The following BRAT1 variants were observed in gnomAD, a reference collection of about 807,000 sequenced individuals.
The protein encoded by BRAT1 is BRCA1 associated ATM activator 1, also known as integrator complex assembly factor BRAT1.
BRAT1 carries 74 observed loss-of-function variants against 70.6 expected under a neutral mutation model. The observed-to-expected ratio is 1.05, with a 90% CI of 0.87 to 1.27. The LOEUF (loss-of-function observed/expected upper bound fraction) is 1.27. Ranked by LOEUF, BRAT1 falls within the 50% of genes most tolerant of loss-of-function variation. BRAT1 has a pLI of 0.00. For synonymous variants in BRAT1, 615 were observed against 517.1 expected, an observed-to-expected ratio of 1.19 and a Z score of -2.57; for missense variants, 1,203 against 1,098.2, an observed-to-expected ratio of 1.10 and a Z score of -1.35.
intron 1 of BRAT1, among the ~76,000 whole-genome samples, chr7:2,554,762 C>G (rs950928711): frequency 1.8e-4 from 27 of 152,326 alleles, no homozygotes; most frequent in African/African-American, 6.3e-4. Flanking sequence ...CAGCGTGGTG[C>G]TGGCCCAGGC....
At chr7:2,550,481 C>CAAAAAAAAAAAAAAAAAAAAAAAAAAAAA (rs369777124) in intron 2 of BRAT1, among the ~76,000 whole-genome samples, 17 of 57,392 alleles carry the variant, frequency 3.0e-4, no homozygotes, top group Non-Finnish European at 3.6e-4. Context: ...AAAAAAAAAA[C>CAAAAAAAAAAAAAAAAAAAAAAAAAAAAA]AAAAAAAAAA....
chr7:2,555,031 G>A (rs1439330564), intron 1 of BRAT1, among the ~76,000 whole-genome samples: 1 of 150,948 alleles, frequency 6.6e-6, no homozygotes, highest in African/African-American at 2.4e-5. Flanking sequence ...GTGAGGAGGG[G>A]AAGGGGCACC....
In BRAT1 at chr7:2,554,712, C is replaced by G. The variant is rs143887122; in HGVS notation, c.-16-265G>C. 1.4e-3 allele frequency among the ~76,000 whole-genome samples: 220 copies of G among 152,346 alleles called. 3 individuals carry two copies. The highest frequency in any genetic ancestry group is 4.4e-3 in the Admixed American group (68 of 15,310). ...CTGAAACCACAAGGCCTCCGGAACT[C>G]AAAGTCTGTCACCCTTGGTCTTTGG... is the stretch of plus-strand genomic sequence containing the variant. On this transcript the variant is annotated intron_variant, in intron 1 of 13. Coordinates refer to ENST00000340611, the MANE Select transcript of BRAT1 (RefSeq NM_152743.4).
chr7:2,538,143 T>G lies in BRAT1; in HGVS notation c.2392A>C (p.Ser798Arg). 6.2e-7 allele frequency: 1 copy of G among 1,607,690 alleles called. No homozygotes were observed. Among genetic ancestry groups the G allele is most frequent in the Non-Finnish European group, 8.5e-7 (1 of 1,175,926 alleles). ...ATGTCCTGCAGGAGGGACTGGGGAC[T>G]CTTTTCCACGTGGTCGCTGCTCTCG... ...LAESSDHVEK[S>R]PQSLLQDMLA... is the part of the protein sequence containing the mutation. The change falls in exon 14 of 14, where the codon AGT (serine) becomes CGT (arginine). Residue 798 changes from serine to arginine, a missense_variant. Coordinates refer to ENST00000340611, the MANE Select transcript of BRAT1 (RefSeq NM_152743.4).
At position 2,539,170 on chromosome 7, in the gene BRAT1, AC is replaced by A; in HGVS notation, c.1770+8del. The A allele has an allele frequency of 6.3e-7, 1 of 1,585,912 alleles. No individual in the cohort carries two copies. The highest frequency in any genetic ancestry group is 2.3e-5 in the East Asian group (1 of 44,290). ...GGAGTTGCTGGCTGAGGAACCTGCC[AC>A]CTCCTACCTGCCGGGCCTCTGCATG... On this transcript the variant is annotated splice_region_variant and intron_variant, in intron 13 of 13. Coordinates refer to ENST00000340611, the MANE Select transcript of BRAT1 (RefSeq NM_152743.4).
chr7:2,551,177 G>C (rs1040816225), intron 2 of BRAT1, among the ~76,000 whole-genome samples: 1 of 151,318 alleles, frequency 6.6e-6, no homozygotes, highest in Non-Finnish European at 1.5e-5. Context: ...GGAGGCGGAG[G>C]TTGCAGTGAG....
intron 2 of BRAT1, 106 bp from the exon 3 acceptor site, chr7:2,547,584 G>T (rs1779709725): frequency 6.3e-6 from 8 of 1,273,180 alleles, no homozygotes; most frequent in Non-Finnish European, 7.6e-6. Context: ...CTTGCAGGGT[G>T]TTAGATTTAG....
chr7:2,545,880 T>A (rs924431379), intron 3 of BRAT1, among the ~76,000 whole-genome samples: 2 of 152,232 alleles, frequency 1.3e-5, no homozygotes, highest in Non-Finnish European at 2.9e-5. Flanking sequence ...AAGTCTGTCC[T>A]GCAGCAAGAT....
intron 2 of BRAT1, among the ~76,000 whole-genome samples, 192 bp downstream of exon 2, chr7:2,554,113 T>C (rs1780235968): frequency 6.6e-6 from 1 of 152,228 alleles, no homozygotes; most frequent in Non-Finnish European, 1.5e-5. Flanking sequence ...CTCCAGATCA[T>C]TCTCTCGGGC....
chr7:2,555,145 T>C (rs1009454533), intron 1 of BRAT1, among the ~76,000 whole-genome samples: 7 of 148,750 alleles, frequency 4.7e-5, no homozygotes, highest in South Asian at 4.5e-4. Context: ...CGCCTGTCTC[T>C]CCCAGGACCA....
rs773927497 is a variant in BRAT1, at chr7:2,539,332, G to C, written c.1617C>G (p.Cys539Trp). Residue 539 changes from cysteine (C) to tryptophan (W), a missense_variant, in exon 13 of 14, where the codon TGC (cysteine) becomes TGG (tryptophan). By Grantham distance (215) the Cys-to-Trp change is radical. Coordinates refer to ENST00000340611, the MANE Select transcript of BRAT1 (RefSeq NM_152743.4). ...RHWGGQADFR[C>W]ALLASEVPQL... ...GAGGCACCTCTGAAGCCAAGAGTGC[G>C]CATCTGAAGTCAGCCTGTCCTGGGG... 10 of 1,609,472 alleles carry C rather than the reference G, an allele frequency of 6.2e-6. No homozygotes were observed. The highest frequency in any genetic ancestry group is 3.3e-5 in the Admixed American group (2 of 59,900).
chr7:2,544,061 C>T (rs1169069236), intron 4 of BRAT1, 99 bp from the exon 5 acceptor site: 1 of 982,148 alleles, frequency 1.0e-6, no homozygotes. Context: ...GCAGAGGGCC[C>T]CCCAAGATGC....
rs373177343 is a variant in BRAT1 at position 2,543,721 on chromosome 7, G to A, written c.672C>T (p.Thr224=). The A allele has an allele frequency of 4.4e-6, 7 of 1,588,058 alleles. No individual in the cohort carries two copies. The highest frequency in any genetic ancestry group is 5.2e-6 in the Non-Finnish European group (6 of 1,161,576). The change falls in exon 5 of 14, where the codon ACC becomes ACT. Residue 224 remains threonine (T), a synonymous_variant. Coordinates refer to ENST00000340611, the MANE Select transcript of BRAT1 (RefSeq NM_152743.4). The surrounding 1 kb of genome is among the most constrained non-coding windows in gnomAD (Gnocchi z 5.5). ...VTQALNVLTT[T]FGRCQSPWTE... ...TCCAGGGGCTCTGGCAGCGCCCGAA[G>A]GTCGTGGTCAGGACGTTCAGGGCCT...
chr7:2,544,481 C>T lies in BRAT1; in HGVS notation c.430+428G>A, dbSNP rs773961160. Among the ~76,000 whole-genome samples, 3 of 152,266 alleles carry T rather than the reference C, an allele frequency of 2.0e-5. 1 individual carries two copies. Among genetic ancestry groups the T allele is most frequent in the African/African-American group, 7.2e-5 (3 of 41,554 alleles). On this transcript the variant is annotated intron_variant, in intron 4 of 13. Transcript: ENST00000340611. ...CCTCCCAAAGTGCTGAGATTACAGGCGTGAGCCACCGTGCCCAGCCTCGTT... is the reference window on the plus strand; with the variant it reads ...CCTCCCAAAGTGCTGAGATTACAGGTGTGAGCCACCGTGCCCAGCCTCGTT...
intron 2 of BRAT1, among the ~76,000 whole-genome samples, chr7:2,549,061 C>T (rs1779815440): frequency 6.6e-6 from 1 of 152,194 alleles, no homozygotes; most frequent in Non-Finnish European, 1.5e-5. Flanking sequence ...AATTAAAATA[C>T]TAACGACAAT....
At chr7:2,542,475 CAG>C in intron 6 of BRAT1, 1 of 538,392 alleles carries the variant, frequency 1.9e-6, no homozygotes, top group South Asian at 2.1e-5. Context: ...GCCATGCACC[CAG>C]AGAGAGGGGC....
intron 2 of BRAT1, among the ~76,000 whole-genome samples, chr7:2,549,193 A>G (rs964882788): frequency 9.8e-5 from 15 of 152,326 alleles, no homozygotes; most frequent in Non-Finnish European, 1.8e-4. Context: ...TGTTAAAAAT[A>G]TAAGGGTAGC....
chr7:2,541,582 G>A, intron 8 of BRAT1, 98 bp from the exon 9 acceptor site: 1 of 1,461,542 alleles, frequency 6.8e-7, no homozygotes, highest in Non-Finnish European at 9.1e-7. Flanking sequence ...GGGGACATCA[G>A]CCAAGGTTGT....
At position 2,543,861 on chromosome 7, in the gene BRAT1, C is replaced by T. The variant is rs1468024566; in HGVS notation, c.532G>A (p.Gly178Ser). 5.0e-6 allele frequency: 8 copies of T among 1,612,840 alleles called. No homozygotes were observed. The highest frequency in any genetic ancestry group is 6.8e-6 in the Non-Finnish European group (8 of 1,179,936). Residue 178 changes from glycine to serine, a missense_variant, in exon 5 of 14, where the codon GGT becomes AGT. Transcript: ENST00000340611. This position sits in a 1 kb window ranked among gnomAD's most constrained non-coding sequence, Gnocchi z 5.5. Reference protein sequence around the residue: ...LVHVLALSMRGGAEGQPCLPG... With the variant: ...LVHVLALSMRSGAEGQPCLPG... ...AGGCAGGGCTGCCCCTCGGCTCCAC[C>T]TCGCATGGACAAAGCCAGGACGTGC...
Sources: allele counts gnomAD v4.1 joint callset (sites outside exome capture counted in the v4.1 genomes callset), GRCh38; gene constraint gnomAD v4.1.1; non-coding constraint Gnocchi (gnomAD v3.1); transcripts MANE v1.5; gene names NCBI Gene and HGNC (gene_info 2026-07-23, HGNC 2026-07-21).